The following KTN1 variants were observed in gnomAD, a reference collection of about 807,000 sequenced individuals.
The protein encoded by KTN1 is kinectin.
In KTN1, 130 loss-of-function variants were observed where a neutral mutation model predicts 222.5. That is an observed-to-expected ratio of 0.58 (90% CI 0.51 to 0.68). The LOEUF (loss-of-function observed/expected upper bound fraction) is 0.68. Among genes scored for constraint, KTN1 ranks in the 30% least tolerant of loss-of-function variants. The pLI is 0.00. For synonymous variants in KTN1, 512 were observed against 496.3 expected (o/e 1.03, Z -0.42); for missense variants, 1,508 against 1,500.4 (o/e 1.01, Z -0.08).
chr14:55,673,922 G>A (rs1255652769), intron 40 of KTN1: 1 of 151,962 alleles, frequency 6.6e-6, no homozygotes, highest in Non-Finnish European at 1.5e-5. Context: ...GACAAATATG[G>A]CTGTCTTGCT....
intron 40 of KTN1, chr14:55,674,564 CA>C (rs1324534505): frequency 6.6e-6 from 1 of 152,136 alleles, no homozygotes; most frequent in Non-Finnish European, 1.5e-5. Context: ...ATGCATTGCA[CA>C]GATTAGGACT....
At position 55,652,900 on chromosome 14, in the gene KTN1, A is replaced by G; in HGVS notation, c.2654A>G (p.Glu885Gly). The G allele has an allele frequency of 6.2e-7, 1 of 1,611,498 alleles. No individual in the cohort carries two copies. Among genetic ancestry groups the G allele is most frequent in the Non-Finnish European group, 8.5e-7 (1 of 1,178,276 alleles). ...AATACCATGAAGGCTGTTTTGGAAGAGAAAGAGAAAGACCTAGCCAATACA... is the reference window on the plus strand; with the variant it reads ...AATACCATGAAGGCTGTTTTGGAAGGGAAAGAGAAAGACCTAGCCAATACA... ...QMNTMKAVLE[E>G]KEKDLANTGK... The change falls in exon 26 of 44, where the codon GAG becomes GGG. Residue 885 changes from glutamate (E) to glycine (G), a missense_variant. Physicochemically the swap from Glu to Gly is moderately conservative, Grantham distance 98. Transcript: ENST00000395314.
intron 5 of KTN1, among the ~76,000 whole-genome samples, chr14:55,625,462 C>T (rs2039689787): frequency 6.6e-6 from 1 of 152,130 alleles, no homozygotes; most frequent in Admixed American, 6.6e-5. Context: ...TAGCTTCTTT[C>T]TTCCACCAGT....
At chr14:55,645,581 C>T (rs2042205662) in intron 18 of KTN1, among the ~76,000 whole-genome samples, 2 of 152,096 alleles carry the variant, frequency 1.3e-5, no homozygotes, top group South Asian at 4.1e-4. Context: ...TGGACAAAAG[C>T]CATCTTCATG....
intron 33 of KTN1, among the ~76,000 whole-genome samples, chr14:55,666,610 A>G (rs966147393): frequency 6.6e-6 from 1 of 151,992 alleles, no homozygotes; most frequent in Non-Finnish European, 1.5e-5. Flanking sequence ...CAGAGTCCAT[A>G]TACAAGTGTC....
chr14:55,657,397 G>GTTTTTTTTTTTTTTT (rs35297700), intron 29 of KTN1, among the ~76,000 whole-genome samples: 15 of 137,650 alleles, frequency 1.1e-4, no homozygotes, highest in African/African-American at 4.1e-4. Context: ...CTGAGTTGAC[G>GTTTTTTTTTTTTTTT]TTTTTTTTTT....
At chr14:55,587,043 C>T (rs769105692) in intron 1 of KTN1, among the ~76,000 whole-genome samples, 2 of 152,108 alleles carry the variant, frequency 1.3e-5, no homozygotes, top group African/African-American at 2.4e-5. Flanking sequence ...TGTTATAATA[C>T]GCTTATTTCT....
At chr14:55,625,626 A>G (rs546414958) in intron 5 of KTN1, among the ~76,000 whole-genome samples, 1 of 152,202 alleles carries the variant, frequency 6.6e-6, no homozygotes, top group African/African-American at 2.4e-5. Context: ...TAGCTTCTTT[A>G]TTCATCTCTT....
At chr14:55,665,495 C>G (rs2044627393) in intron 33 of KTN1, among the ~76,000 whole-genome samples, 1 of 151,948 alleles carries the variant, frequency 6.6e-6, no homozygotes, top group African/African-American at 2.4e-5. Flanking sequence ...TTAGACAGTC[C>G]TTAGATAGCA....
intron 41 of KTN1, 50 bp from the exon 42 acceptor site, chr14:55,678,302 G>GT (rs2046057754): frequency 1.0e-6 from 1 of 992,448 alleles, no homozygotes; most frequent in Middle Eastern, 2.1e-4. Context: ...CATTTTTTAT[G>GT]TATTTATCAA....
intron 1 of KTN1, among the ~76,000 whole-genome samples, chr14:55,583,430 A>G (rs2140290975): frequency 6.6e-6 from 1 of 152,360 alleles, no homozygotes; most frequent in Non-Finnish European, 1.5e-5. Context: ...AAAAAAAGTT[A>G]TGATTTAGTA....
At chr14:55,619,384 A>G in intron 5 of KTN1, 72 bp downstream of exon 5, 2 of 1,431,818 alleles carry the variant, frequency 1.4e-6, no homozygotes, top group Non-Finnish European at 1.9e-6. Context: ...GACTTTAGCC[A>G]GAGCAATTAA....
chr14:55,605,083 C>T lies in KTN1; in HGVS notation c.-30-6936C>T, dbSNP rs2036541233. Among the ~76,000 whole-genome samples the T allele has an allele frequency of 2.0e-5, 3 of 152,266 alleles. No individual in the cohort carries two copies. In the South Asian group the frequency reaches 6.2e-4, roughly 32 times the overall value. ...GGGGTTTCCTCATTTATGGAACCTT[C>T]CAGGCATGACATGTTGGAATTGTCT... On this transcript the variant is annotated intron_variant, in intron 1 of 43. Transcript: ENST00000395314.
At chr14:55,675,749 C>G (rs2045837595) in intron 40 of KTN1, 86 bp from the exon 41 acceptor site, 2 of 827,196 alleles carry the variant, frequency 2.4e-6, no homozygotes, top group African/African-American at 1.7e-5. Flanking sequence ...GTTAGCAGTC[C>G]CATTCATTCT....
At chr14:55,668,257 A>G (rs1223813981) in intron 34 of KTN1, 2 of 152,020 alleles carry the variant, frequency 1.3e-5, no homozygotes, top group Non-Finnish European at 2.9e-5. Flanking sequence ...GTTTGTTTTA[A>G]TCAGGATCCG....
intron 24 of KTN1, chr14:55,651,642 A>T: frequency 2.2e-6 from 1 of 463,356 alleles, no homozygotes; most frequent in East Asian, 3.8e-5. Context: ...AAAGAAAAAA[A>T]GCATCACATT....
intron 1 of KTN1, among the ~76,000 whole-genome samples, chr14:55,596,418 G>C (rs2140416499): frequency 6.6e-6 from 1 of 152,260 alleles, no homozygotes; most frequent in East Asian, 1.9e-4. Context: ...AGCTGTGTCT[G>C]TTGAAGGCAA....
At chr14:55,591,190 C>A (rs4901593) in intron 1 of KTN1, among the ~76,000 whole-genome samples, 68,938 of 151,960 alleles carry the variant, frequency 0.45, 18,099 homozygotes, top group Non-Finnish European at 0.59. Context: ...TGTTACCACT[C>A]ACAATAAGAA....
At chr14:55,674,827 T>G (rs1366497900) in intron 40 of KTN1, 4 of 152,158 alleles carry the variant, frequency 2.6e-5, no homozygotes, top group Non-Finnish European at 4.4e-5. Context: ...AATGTTTGTT[T>G]GCTCAGAATA....
Sources: gnomAD v4.1 joint callset for allele counts (sites outside exome capture counted in the v4.1 genomes callset) on GRCh38, gnomAD v4.1.1 for gene constraint, MANE v1.5 for transcripts, NCBI Gene and HGNC (gene_info 2026-07-23, HGNC 2026-07-21) for gene names.